CNTLN: variants seen among roughly 807,000 people sequenced by gnomAD.
CNTLN encodes the protein centlein, centrosomal protein.
Under a neutral mutation model 180.0 loss-of-function variants are expected in CNTLN, and 212 were observed. The ratio of observed to expected loss-of-function variants is 1.18; its 90% CI spans 1.05 to 1.32. CNTLN has a LOEUF of 1.32. CNTLN is among the 40% of genes most tolerant of loss of function. The pLI is 0.00. For missense variants in CNTLN, 2,095 were observed against 1,610.9 expected (o/e 1.30, Z -5.14); for synonymous variants, 722 against 563.1 (o/e 1.28, Z -3.99).
intron 8 of CNTLN, among the ~76,000 whole-genome samples, chr9:17,311,428 C>A: frequency 6.7e-6 from 1 of 148,674 alleles, no homozygotes; most frequent in African/African-American, 2.5e-5. Flanking sequence ...GATTCCCAAT[C>A]AAAATCCCAG....
intron 2 of CNTLN, among the ~76,000 whole-genome samples, chr9:17,187,896 TTGTG>T (rs567941822): frequency 6.9e-4 from 104 of 151,430 alleles, no homozygotes; most frequent in Admixed American, 1.4e-3. Context: ...CTCTCCAGCT[TTGTG>T]TGAGTTTTAT....
intron 5 of CNTLN, among the ~76,000 whole-genome samples, chr9:17,272,483 G>A (rs952393002): frequency 6.6e-6 from 1 of 152,068 alleles, no homozygotes; most frequent in Non-Finnish European, 1.5e-5. Context: ...TTTCTACCCT[G>A]GTGTTCGTTT....
intron 10 of CNTLN, among the ~76,000 whole-genome samples, chr9:17,340,380 T>C (rs552316578): frequency 2.1e-4 from 32 of 152,174 alleles, no homozygotes; most frequent in Non-Finnish European, 3.7e-4. Flanking sequence ...CCTTAGTAAA[T>C]ATTAGTTATG....
At chr9:17,519,569 A>T in the CNTLN span, among the ~76,000 whole-genome samples, 323 of 152,314 alleles carry the variant, frequency 2.1e-3, 2 homozygotes, top group African/African-American at 7.4e-3. Context: ...TTGTAAATAC[A>T]TGGGATGCAG....
At chr9:17,192,374 G>C (rs951071633) in intron 2 of CNTLN, among the ~76,000 whole-genome samples, 1 of 151,872 alleles carries the variant, frequency 6.6e-6, no homozygotes, top group Non-Finnish European at 1.5e-5. Flanking sequence ...GAGTAGCTGG[G>C]ATTACAGGCG....
intron 5 of CNTLN, among the ~76,000 whole-genome samples, chr9:17,256,411 T>C (rs1399593957): frequency 6.6e-6 from 1 of 151,978 alleles, no homozygotes; most frequent in African/African-American, 2.4e-5. Context: ...TCTCCACAGC[T>C]TCTCCAACAT....
chr9:17,215,264 T>G (rs1823655053), intron 2 of CNTLN, among the ~76,000 whole-genome samples: 2 of 152,254 alleles, frequency 1.3e-5, no homozygotes, highest in African/African-American at 4.8e-5. Context: ...TTAGTTCTCC[T>G]TCTAACAGTC....
Position 17,289,126 on chromosome 9 carries a change from T to G in CNTLN, c.984-9064T>G, listed in dbSNP as rs1040888483. On this transcript the variant is annotated intron_variant, in intron 6 of 25. Transcript: ENST00000380647. ...TCTCCATGGTCTTTACATTTTGGCA[T>G]GATTTTGCAGCGGCTGGTACCAGTT... 7.0e-3 allele frequency among the ~76,000 whole-genome samples: 847 copies of G among 121,068 alleles called. 164 individuals carry two copies. The highest frequency in any genetic ancestry group is 0.028 in the African/African-American group (734 of 26,476). The allele number at this position is 121,068 out of a possible 152,430, so 79.4% of individuals were successfully genotyped here.
intron 2 of CNTLN, among the ~76,000 whole-genome samples, chr9:17,178,518 G>T (rs534162588): frequency 9.8e-4 from 149 of 152,230 alleles, no homozygotes; most frequent in Non-Finnish European, 1.5e-3. Flanking sequence ...GGGCGGGGGC[G>T]GGGGGTGCAT....
At chr9:17,435,866 G>T (rs943847537) in intron 18 of CNTLN, among the ~76,000 whole-genome samples, 1 of 151,998 alleles carries the variant, frequency 6.6e-6, no homozygotes, top group African/African-American at 2.4e-5. Flanking sequence ...CCCGGCCAGG[G>T]TAGCTCCTTT....
rs775847264 is a variant in CNTLN, at chr9:17,309,007, C to G, written c.1147-51C>G. The G allele has an allele frequency of 2.2e-5, 28 of 1,255,440 alleles. No homozygotes were observed. The East Asian group carries it at 7.1e-4, about 32-fold the overall frequency. 77.8% of individuals were successfully genotyped at this position (1,255,440 alleles called of 1,614,324 possible). A position where few individuals can be genotyped will look rare whatever the true frequency, so the allele number is the denominator to read the frequency against. On this transcript the variant is annotated intron_variant, in intron 7 of 25. Transcript: ENST00000380647. ...ACACACACACACACAGACACACAGACACATAGTTTTATTGATTATTAATAT... is the reference window on the plus strand; with the variant it reads ...ACACACACACACACAGACACACAGAGACATAGTTTTATTGATTATTAATAT...
intron 5 of CNTLN, among the ~76,000 whole-genome samples, chr9:17,246,672 G>T (rs10962938): frequency 6.6e-6 from 1 of 152,042 alleles, no homozygotes; most frequent in Admixed American, 6.5e-5. Flanking sequence ...GAAGCCATCC[G>T]GGAGTCAGGG....
chr9:17,264,205 T>C (rs1827227036), intron 5 of CNTLN, among the ~76,000 whole-genome samples: 1 of 144,184 alleles, frequency 6.9e-6, no homozygotes. Flanking sequence ...TAATCCATCT[T>C]GAATTGATTT....
chr9:17,466,371 T>C (rs917051869), intron 22 of CNTLN, among the ~76,000 whole-genome samples: 1 of 151,598 alleles, frequency 6.6e-6, no homozygotes, highest in East Asian at 1.9e-4. Flanking sequence ...TGAACACTGG[T>C]ATTTATACAA....
chr9:17,496,386 T>A (rs567673733), intron 25 of CNTLN, among the ~76,000 whole-genome samples: 1 of 152,254 alleles, frequency 6.6e-6, no homozygotes, highest in Non-Finnish European at 1.5e-5. Flanking sequence ...TAGATCTTGG[T>A]CTTCTCATTG....
intron 8 of CNTLN, among the ~76,000 whole-genome samples, chr9:17,327,644 T>A (rs1820394097): frequency 6.6e-6 from 1 of 152,044 alleles, no homozygotes; most frequent in African/African-American, 2.4e-5. Flanking sequence ...TGCAAAAAAA[T>A]AAATATTTCT....
At chr9:17,238,456 G>C (rs1825289185) in intron 5 of CNTLN, among the ~76,000 whole-genome samples, 2 of 152,140 alleles carry the variant, frequency 1.3e-5, no homozygotes, top group South Asian at 2.1e-4. Flanking sequence ...AATTCTCATA[G>C]CTACCTTCCT....
At chr9:17,501,935 T>C (rs1479340937) in intron 25 of CNTLN, among the ~76,000 whole-genome samples, 2 of 152,190 alleles carry the variant, frequency 1.3e-5, no homozygotes, top group Non-Finnish European at 2.9e-5. Context: ...CAATAAAACT[T>C]GACCAGAAAA....
At chr9:17,157,905 A>C (rs2131564871) in intron 2 of CNTLN, among the ~76,000 whole-genome samples, 1 of 152,320 alleles carries the variant, frequency 6.6e-6, no homozygotes, top group East Asian at 1.9e-4. Context: ...TTTCTGAGGG[A>C]TCAGTGTTCA....
Sources: allele counts gnomAD v4.1 joint callset (sites outside exome capture counted in the v4.1 genomes callset), GRCh38; gene constraint gnomAD v4.1.1; transcripts MANE v1.5; gene names NCBI Gene and HGNC (gene_info 2026-07-23, HGNC 2026-07-21).